The following EBF3 variants were observed in gnomAD, a reference collection of about 807,000 sequenced individuals.
EBF3 encodes EBF transcription factor 3, also known as transcription factor COE3.
In EBF3, 18 loss-of-function variants were observed where a neutral mutation model predicts 77.1. The ratio of observed to expected loss-of-function variants is 0.23; its 90% confidence interval spans 0.16 to 0.35. EBF3 has a LOEUF of 0.35. EBF3 is among the 10% of genes least tolerant of loss of function. The probability of loss-of-function intolerance (pLI) is 1.00; values close to 1 mark genes in which losing one functional copy is unlikely to be tolerated. For synonymous variants in EBF3, 350 were observed against 343.5 expected, an observed-to-expected ratio of 1.02 and a Z score of -0.21; for missense variants, 558 against 860.0, an observed-to-expected ratio of 0.65 and a Z score of 4.39.
At chr10:129,954,391 G>A (rs996286416) in intron 6 of EBF3, among the ~76,000 whole-genome samples, 38 of 151,376 alleles carry the variant, frequency 2.5e-4, no homozygotes, top group Non-Finnish European at 4.7e-4. Flanking sequence ...AAATGGTTTT[G>A]TAATGGGAAA....
chr10:129,873,434 CA>C lies in EBF3; in HGVS notation c.781+17del, dbSNP rs750194516. 2.1e-5 allele frequency: 32 copies of C among 1,497,908 alleles called. 2 individuals carry two copies. The South Asian group carries it at 4.0e-4, about 19-fold the overall frequency. 92.8% of individuals were successfully genotyped at this position (1,497,908 alleles called of 1,614,324 possible). ...AAGAAGCATCGCAAATAAAAAAAGA[CA>C]TGTAACATGTGCCTACCATTTTCCA... On this transcript the variant is annotated intron_variant, in intron 8 of 16. Transcript: ENST00000440978.
chr10:129,858,404 C>G (rs1381023575), intron 10 of EBF3, among the ~76,000 whole-genome samples: 1 of 152,168 alleles, frequency 6.6e-6, no homozygotes, highest in African/African-American at 2.4e-5. Flanking sequence ...TCGTAAGAGC[C>G]CTGGAGGAGC....
intron 6 of EBF3, among the ~76,000 whole-genome samples, chr10:129,883,849 T>C (rs958483625): frequency 6.6e-6 from 1 of 152,182 alleles, no homozygotes; most frequent in Non-Finnish European, 1.5e-5. Context: ...GTGGTGATGG[T>C]TGCACAACCT....
At chr10:129,860,392 G>A (rs887553875) in intron 10 of EBF3, among the ~76,000 whole-genome samples, 37 of 152,170 alleles carry the variant, frequency 2.4e-4, no homozygotes, top group African/African-American at 8.7e-4. Context: ...GTGAAATCCA[G>A]ATGACCCTTT....
chr10:129,896,599 G>A (rs907059259), intron 6 of EBF3, among the ~76,000 whole-genome samples: 1 of 152,210 alleles, frequency 6.6e-6, no homozygotes, highest in Non-Finnish European at 1.5e-5. Flanking sequence ...GGACGTGCTG[G>A]GGCGCGGCCT....
In EBF3 at chr10:129,938,007, T is replaced by C. The variant is rs114696166; in HGVS notation, c.554+19251A>G. ...CACAAAATGCATTAGTCAAAATACT[T>C]CGAAATGGTACAAGCTATTTTCTGG... is the stretch of plus-strand genomic sequence containing the variant. On this transcript the variant is annotated intron_variant, in intron 6 of 16. Coordinates refer to ENST00000440978, the MANE Select transcript of EBF3 (RefSeq NM_001375380.1). This position sits in a 1 kb window ranked among gnomAD's most constrained non-coding sequence, Gnocchi z 5.1. Among the ~76,000 whole-genome samples, 2,429 of 152,268 alleles carry C rather than the reference T, an allele frequency of 0.016. 38 individuals are homozygous for C. Among genetic ancestry groups the C allele is most frequent in the Middle Eastern group, 0.031 (9 of 294 alleles).
At chr10:129,900,917 C>A (rs2134242874) in intron 6 of EBF3, among the ~76,000 whole-genome samples, 1 of 152,344 alleles carries the variant, frequency 6.6e-6, no homozygotes, top group Middle Eastern at 3.4e-3. Context: ...ATTGAAAGCA[C>A]ACATCACCCA....
intron 6 of EBF3, 34 bp from the exon 7 acceptor site, chr10:129,877,883 G>A (rs775403284): frequency 1.3e-6 from 2 of 1,550,014 alleles, no homozygotes; most frequent in Non-Finnish European, 1.8e-6. Context: ...TATTTATTAG[G>A]GTTATCAGAC....
intron 6 of EBF3, among the ~76,000 whole-genome samples, chr10:129,917,653 A>G (rs80350016): frequency 7.0e-6 from 1 of 143,194 alleles, no homozygotes; most frequent in Non-Finnish European, 1.5e-5. Flanking sequence ...CCCTGCCTCA[A>G]AAAAAAAAAA....
At chr10:129,896,048 A>G (rs1854347767) in intron 6 of EBF3, among the ~76,000 whole-genome samples, 1 of 152,208 alleles carries the variant, frequency 6.6e-6, no homozygotes, top group African/African-American at 2.4e-5. Context: ...GCATTTTTGA[A>G]AGTATGACTT....
At chr10:129,896,520 G>A (rs1437039203) in intron 6 of EBF3, among the ~76,000 whole-genome samples, 1 of 152,226 alleles carries the variant, frequency 6.6e-6, no homozygotes, top group Non-Finnish European at 1.5e-5. Flanking sequence ...TGGGCCGGGT[G>A]TGGGGGTGCG....
At position 129,943,339 on chromosome 10, in the gene EBF3, C is replaced by T. The variant is rs1213160719; in HGVS notation, c.554+13919G>A. ...GAAGCAAATTGGATTTGCCCTATCACAAAAAAAATTAATTCCAGATTGTAG... is the reference window on the plus strand; with the variant it reads ...GAAGCAAATTGGATTTGCCCTATCATAAAAAAAATTAATTCCAGATTGTAG... On this transcript the variant is annotated intron_variant, in intron 6 of 16. Transcript: ENST00000440978. The surrounding 1 kb of genome is among the most constrained non-coding windows in gnomAD (Gnocchi z 8.8). 6.6e-6 allele frequency among the ~76,000 whole-genome samples: 1 copy of T among 152,036 alleles called. No homozygotes were observed. Among genetic ancestry groups the T allele is most frequent in the Non-Finnish European group, 1.5e-5 (1 of 67,984 alleles).
At chr10:129,930,782 C>T (rs1209671328) in intron 6 of EBF3, among the ~76,000 whole-genome samples, 48 of 94,164 alleles carry the variant, frequency 5.1e-4, no homozygotes, top group Admixed American at 1.8e-3. Context: ...TATATCTATA[C>T]CTGTCTATAT....
At chr10:129,887,263 G>A (rs1323228419) in intron 6 of EBF3, among the ~76,000 whole-genome samples, 1 of 152,206 alleles carries the variant, frequency 6.6e-6, no homozygotes, top group African/African-American at 2.4e-5. Context: ...GATCCAGCCT[G>A]ATCTCCACTA....
intron 6 of EBF3, among the ~76,000 whole-genome samples, chr10:129,895,647 G>A (rs993977272): frequency 6.6e-6 from 1 of 152,212 alleles, no homozygotes; most frequent in African/African-American, 2.4e-5. Context: ...TGGTAGGGGA[G>A]TGGCCTAAAC....
chr10:129,835,864 C>T lies in EBF3; in HGVS notation c.*2079G>A, dbSNP rs1461490326. 1 of 150,722 alleles carries T rather than the reference C, an allele frequency of 6.6e-6. No individual in the cohort carries two copies. Among genetic ancestry groups the T allele is most frequent in the Admixed American group, 6.6e-5 (1 of 15,072 alleles). 9.3% of individuals were successfully genotyped at this position (150,722 alleles called of 1,614,324 possible). A position where few individuals can be genotyped will look rare whatever the true frequency, so the allele number is the denominator to read the frequency against. The stretch of plus-strand genomic sequence containing the variant: ...AAGGAGAAAGAAAAAAAAAAAAACA[C>T]CTGACACTTTTGGTCTCACTGTGGG... On this transcript the variant is annotated 3_prime_UTR_variant, in exon 17 of 17. Coordinates refer to ENST00000440978, the MANE Select transcript of EBF3 (RefSeq NM_001375380.1).
At chr10:129,960,485 C>T (rs1859419221) in intron 4 of EBF3, among the ~76,000 whole-genome samples, 1 of 152,226 alleles carries the variant, frequency 6.6e-6, no homozygotes, top group African/African-American at 2.4e-5. Flanking sequence ...CGGGCACCAG[C>T]GCTTCTGAGA....
chr10:129,958,193 G>A (rs1859184451), intron 5 of EBF3, among the ~76,000 whole-genome samples: 1 of 152,214 alleles, frequency 6.6e-6, no homozygotes, highest in Non-Finnish European at 1.5e-5. Context: ...GCTCAGAAAT[G>A]GCATTTAGGC....
At chr10:129,937,190 G>A (rs1386052838) in intron 6 of EBF3, among the ~76,000 whole-genome samples, 2 of 152,172 alleles carry the variant, frequency 1.3e-5, no homozygotes, top group African/African-American at 4.8e-5. Context: ...AGATGGGTGG[G>A]ACAACCACAG....
Sources: gnomAD v4.1 joint callset for allele counts (sites outside exome capture counted in the v4.1 genomes callset) on GRCh38, gnomAD v4.1.1 for gene constraint, Gnocchi (gnomAD v3.1) non-coding constraint, MANE v1.5 for transcripts, NCBI Gene and HGNC (gene_info 2026-07-23, HGNC 2026-07-21) for gene names.